Variants in POLD3 observed in about 807,000 individuals in gnomAD.
The protein encoded by POLD3 is DNA polymerase delta 3, accessory subunit.
Under a neutral mutation model 58.2 loss-of-function variants are expected in POLD3, and 19 were observed. That is an observed-to-expected ratio of 0.33 (90% CI 0.23 to 0.48). POLD3 has a LOEUF of 0.48. Ranked by LOEUF, POLD3 falls within the 20% of genes least tolerant of loss-of-function variation. POLD3 has a pLI of 0.99. For synonymous variants in POLD3, 172 were observed against 193.5 expected (o/e 0.89, Z 0.92); for missense variants, 504 against 545.5 (o/e 0.92, Z 0.76).
At chr11:74,616,406 C>A (rs2032080750) in intron 5 of POLD3, among the ~76,000 whole-genome samples, 1 of 152,224 alleles carries the variant, frequency 6.6e-6, no homozygotes, top group African/African-American at 2.4e-5. Context: ...GAGCAGAGAT[C>A]TCTTGTCATC....
At chr11:74,600,542 G>C (rs1388277126) in intron 2 of POLD3, among the ~76,000 whole-genome samples, 1 of 151,824 alleles carries the variant, frequency 6.6e-6, no homozygotes, top group Non-Finnish European at 1.5e-5. Flanking sequence ...GGCTGAGGCA[G>C]GAAAATCACT....
intron 3 of POLD3, among the ~76,000 whole-genome samples, chr11:74,605,391 CTCT>C (rs2031639720): frequency 6.6e-6 from 1 of 152,126 alleles, no homozygotes; most frequent in African/African-American, 2.4e-5. Context: ...CTTGACTTTT[CTCT>C]TAACTATTTT....
intron 4 of POLD3, among the ~76,000 whole-genome samples, chr11:74,656,247 C>A (rs2033132263): frequency 6.6e-6 from 1 of 152,082 alleles, no homozygotes; most frequent in South Asian, 2.1e-4. Flanking sequence ...ACTGCTTTTG[C>A]TGTATCCCAT....
chr11:74,629,020 A>G (rs1323816711), intron 8 of POLD3, 197 bp from the exon 9 acceptor site: 1 of 399,814 alleles, frequency 2.5e-6, no homozygotes. Flanking sequence ...TTTTTATTCA[A>G]GTCACCTCAT....
chr11:74,657,319 G>A lies in POLD3; in HGVS notation c.370-11458G>A, dbSNP rs948844626. ...AGTAAGGATTTACTTCTGCCATTTT[G>A]TTGTTTTCTGGTTTTCTTTTCCTTT... On this transcript the variant is annotated intron_variant, in intron 4 of 4. Transcript: ENST00000524752. 4.0e-5 allele frequency among the ~76,000 whole-genome samples: 6 copies of A among 151,708 alleles called. No individual in the cohort carries two copies. In the East Asian group the frequency reaches 1.2e-3, roughly 29 times the overall value.
At chr11:74,592,938 G>A in intron 1 of POLD3, 1 of 1,404,540 alleles carries the variant, frequency 7.1e-7, no homozygotes, top group Non-Finnish European at 9.3e-7. Context: ...TTGGGTGGGC[G>A]TGCTGGGAAC....
At chr11:74,601,873 A>G (rs2031511834) in intron 2 of POLD3, among the ~76,000 whole-genome samples, 1 of 152,174 alleles carries the variant, frequency 6.6e-6, no homozygotes, top group Non-Finnish European at 1.5e-5. Context: ...TGTCTTGATG[A>G]GAAATTAGGT....
chr11:74,642,039 C>T lies in POLD3; in HGVS notation c.*1273C>T. The T allele has an allele frequency of 1.0e-6, 1 of 985,452 alleles. No homozygotes were observed. The highest frequency in any genetic ancestry group is 1.2e-6 in the Non-Finnish European group (1 of 829,938). 61.0% of individuals were successfully genotyped at this position (985,452 alleles called of 1,614,324 possible). On this transcript the variant is annotated 3_prime_UTR_variant, in exon 12 of 12. Coordinates refer to ENST00000263681, the MANE Select transcript of POLD3 (RefSeq NM_006591.3). The stretch of plus-strand genomic sequence containing the variant: ...AGTGAGCTCTGCGGAAGGGGTCAGG[C>T]TCAACTGCTGATGTGTCTCACACGT...
At chr11:74,645,415 A>G (rs1225998979), downstream of POLD3, among the ~76,000 whole-genome samples, 1 of 152,240 alleles carries the variant, frequency 6.6e-6, no homozygotes, top group East Asian at 1.9e-4. Context: ...TATACAATAT[A>G]AAGTCTGTAT....
At chr11:74,645,956 T>A (rs915250729), downstream of POLD3, among the ~76,000 whole-genome samples, 1 of 151,696 alleles carries the variant, frequency 6.6e-6, no homozygotes, top group Non-Finnish European at 1.5e-5. Flanking sequence ...TTTTTTTTTT[T>A]AAGACAGAGT....
At chr11:74,629,881 G>T (rs901478151) in intron 9 of POLD3, among the ~76,000 whole-genome samples, 3 of 152,174 alleles carry the variant, frequency 2.0e-5, no homozygotes, top group Admixed American at 2.0e-4. Context: ...GAAGAGCCAA[G>T]ATCTTGCCCC....
intron 9 of POLD3, among the ~76,000 whole-genome samples, chr11:74,629,750 A>G (rs1040840864): frequency 8.5e-5 from 13 of 152,128 alleles, no homozygotes; most frequent in Non-Finnish European, 1.5e-4. Flanking sequence ...TTAGAAGGGA[A>G]TGACACTGTG....
downstream of POLD3, among the ~76,000 whole-genome samples, chr11:74,648,076 G>T (rs931040478): frequency 6.6e-6 from 1 of 152,324 alleles, no homozygotes; most frequent in Non-Finnish European, 1.5e-5. Flanking sequence ...AAAAGTTAGA[G>T]AAACTAGTAT....
intron 10 of POLD3, 134 bp from the exon 11 acceptor site, chr11:74,636,063 A>T: frequency 1.2e-6 from 1 of 821,878 alleles, no homozygotes; most frequent in Non-Finnish European, 1.9e-6. Context: ...CTCTAAAACT[A>T]ATGTAGAGTT....
rs759445185 is a variant in POLD3 at position 74,620,096 on chromosome 11, A to G, written c.733+7A>G. 8 of 1,590,778 alleles carry G rather than the reference A, an allele frequency of 5.0e-6. No individual in the cohort carries two copies. The highest frequency in any genetic ancestry group is 1.7e-4 in the Middle Eastern group (1 of 6,026). On this transcript the variant is annotated splice_region_variant and intron_variant, in intron 7 of 11. Coordinates refer to ENST00000263681, the MANE Select transcript of POLD3 (RefSeq NM_006591.3). Reference sequence around the variant, plus strand: ...TTTGGAAAAGCTGCTATGAGTAAGCATGTTCTTACCTCACTTTGACTAACG... The same window carrying G: ...TTTGGAAAAGCTGCTATGAGTAAGCGTGTTCTTACCTCACTTTGACTAACG...
intron 2 of POLD3, among the ~76,000 whole-genome samples, chr11:74,602,793 T>C (rs1160919063): frequency 6.6e-6 from 1 of 152,196 alleles, no homozygotes; most frequent in East Asian, 1.9e-4. Context: ...CCTACTACCG[T>C]CCTTATTCCA....
chr11:74,617,109 G>C (rs1001082675), intron 5 of POLD3, among the ~76,000 whole-genome samples: 17 of 151,858 alleles, frequency 1.1e-4, no homozygotes, highest in African/African-American at 4.1e-4. Context: ...GTTAGAAAAA[G>C]CTGGGGAACT....
At chr11:74,598,228 T>C (rs1349712663) in intron 2 of POLD3, among the ~76,000 whole-genome samples, 1 of 152,242 alleles carries the variant, frequency 6.6e-6, no homozygotes, top group African/African-American at 2.4e-5. Context: ...GACTATATCT[T>C]CTAGGAATCA....
exon 5 of POLD3, chr11:74,668,997 T>C: frequency 2.9e-6 from 1 of 345,504 alleles, no homozygotes; most frequent in East Asian, 8.3e-5. Context: ...TTCTGCCCTA[T>C]TTTTTAGAAG....
Sources: allele counts gnomAD v4.1 joint callset (sites outside exome capture counted in the v4.1 genomes callset), GRCh38; gene constraint gnomAD v4.1.1; transcripts MANE v1.5; gene names NCBI Gene and HGNC (gene_info 2026-07-23, HGNC 2026-07-21).